ZBTB44: variants seen among roughly 807,000 people sequenced by gnomAD.
ZBTB44 encodes the protein zinc finger and BTB domain containing 44.
Under a neutral mutation model 54.0 loss-of-function variants are expected in ZBTB44, and 15 were observed. The ratio of observed to expected loss-of-function variants is 0.28; its 90% CI spans 0.19 to 0.43. The LOEUF is 0.43. Among genes scored for constraint, ZBTB44 ranks in the 20% least tolerant of loss-of-function variants. ZBTB44 has a pLI of 1.00. For missense variants in ZBTB44, 487 were observed against 707.1 expected (o/e 0.69, Z 3.53); for synonymous variants, 230 against 250.1 (o/e 0.92, Z 0.76).
chr11:130,267,766 G>C (rs566636922), intron 1 of ZBTB44, among the ~76,000 whole-genome samples: 2 of 152,176 alleles, frequency 1.3e-5, no homozygotes, highest in African/African-American at 4.8e-5. Context: ...ACATCCTGTA[G>C]AGAAATCCTC....
intron 1 of ZBTB44, among the ~76,000 whole-genome samples, chr11:130,290,080 A>G (rs1941212617): frequency 6.6e-6 from 1 of 152,206 alleles, no homozygotes; most frequent in Admixed American, 6.5e-5. Context: ...ATTATCCCAG[A>G]TTACCCAGGT....
chr11:130,240,033 T>C (rs940470374), intron 2 of ZBTB44, 137 bp from the exon 3 acceptor site: 8 of 566,152 alleles, frequency 1.4e-5, no homozygotes, highest in South Asian at 6.5e-5. Flanking sequence ...TCCAAAGTAG[T>C]GTTCTACATT....
intron 1 of ZBTB44, among the ~76,000 whole-genome samples, chr11:130,304,031 C>T (rs1942136711): frequency 6.6e-6 from 1 of 152,150 alleles, no homozygotes; most frequent in Admixed American, 6.6e-5. Flanking sequence ...ATTTAACACT[C>T]AATGTGGCCT....
rs768238402 is a variant in ZBTB44 at position 130,261,088 on chromosome 11, G to C, written c.786C>G (p.Thr262=). The change falls in exon 2 of 8, where the codon ACC becomes ACG. Residue 262 remains threonine, a synonymous_variant. Coordinates refer to ENST00000357899, the MANE Select transcript of ZBTB44 (RefSeq NM_001301098.2). The surrounding 1 kb of genome is among the most constrained non-coding windows in gnomAD (Gnocchi z 4.8). ...TCACATAATCAGCCATTCTTCTACC[G>C]GTCTCAGATGGGCCAGGTAATTCTA... ...RTLELPGPSE[T]GRRMADYVTC... is the part of the protein sequence containing the mutation. The C allele has an allele frequency of 2.2e-5, 35 of 1,613,842 alleles. No individual in the cohort carries two copies. Among genetic ancestry groups the C allele is most frequent in the Admixed American group, 5.0e-5 (3 of 60,004 alleles).
intron 2 of ZBTB44, among the ~76,000 whole-genome samples, chr11:130,254,668 G>A (rs924005864): frequency 1.3e-4 from 20 of 152,062 alleles, no homozygotes; most frequent in East Asian, 3.8e-4. Flanking sequence ...TCAGTGTGGC[G>A]ATTCCTCAGG....
chr11:130,282,176 A>T (rs188255892), intron 1 of ZBTB44, among the ~76,000 whole-genome samples: 1 of 152,348 alleles, frequency 6.6e-6, no homozygotes, highest in Non-Finnish European at 1.5e-5. Context: ...ACTATTTTTA[A>T]GCATACAGTT....
intron 4 of ZBTB44, 21 bp downstream of exon 4, chr11:130,238,423 C>G: frequency 6.3e-7 from 1 of 1,594,146 alleles, no homozygotes; most frequent in Non-Finnish European, 8.5e-7. Flanking sequence ...ACTTACGCAC[C>G]AACAGGGAAG....
At chr11:130,243,688 T>A (rs986937887) in intron 2 of ZBTB44, among the ~76,000 whole-genome samples, 1 of 152,226 alleles carries the variant, frequency 6.6e-6, no homozygotes, top group Non-Finnish European at 1.5e-5. Flanking sequence ...AAGTGGTATA[T>A]GTGTAGGAAT....
At chr11:130,245,751 T>A (rs113604444) in intron 2 of ZBTB44, among the ~76,000 whole-genome samples, 1 of 140,738 alleles carries the variant, frequency 7.1e-6, no homozygotes, top group Admixed American at 6.9e-5. Flanking sequence ...GACTGGCATC[T>A]GCTTCTCACT....
chr11:130,273,746 T>C (rs574284249), intron 1 of ZBTB44, among the ~76,000 whole-genome samples: 58 of 152,268 alleles, frequency 3.8e-4, no homozygotes, highest in African/African-American at 1.3e-3. Flanking sequence ...CTTACGATTT[T>C]CTATAAACAG....
At chr11:130,234,373 C>G (rs1463680246) in intron 5 of ZBTB44, 100 bp from the exon 6 acceptor site, 2 of 1,176,536 alleles carry the variant, frequency 1.7e-6, no homozygotes, top group East Asian at 5.5e-5. Context: ...AATTGGGACT[C>G]TTCATTTCAC....
rs949677251 is a variant in ZBTB44, at chr11:130,233,046, AATT to A, written c.*48+259_*48+261del. 10 of 378,612 alleles carry A rather than the reference AATT, an allele frequency of 2.6e-5. No individual in the cohort carries two copies. The Admixed American group carries it at 3.5e-4, about 13-fold the overall frequency. The allele number at this position is 378,612 out of a possible 1,614,324, so 23.5% of individuals were successfully genotyped here. A position where few individuals can be genotyped will look rare whatever the true frequency, so the allele number is the denominator to read the frequency against. ...AAAAAAGAATGTAGCCTCAATAGAG[AATT>A]ATTTATTATGTCCAAAAGAGCACAA... On this transcript the variant is annotated intron_variant, in intron 7 of 7. Transcript: ENST00000357899.
At chr11:130,257,238 TAAAAAAA>T (rs572669481) in intron 2 of ZBTB44, among the ~76,000 whole-genome samples, 8 of 109,342 alleles carry the variant, frequency 7.3e-5, no homozygotes, top group Non-Finnish European at 1.2e-4. Context: ...TCCCAGATCT[TAAAAAAA>T]AAAAAAAAAA....
At chr11:130,305,888 A>G (rs1942238732) in intron 1 of ZBTB44, among the ~76,000 whole-genome samples, 1 of 152,196 alleles carries the variant, frequency 6.6e-6, no homozygotes. Flanking sequence ...AGGAATACAA[A>G]CAAACCAGCA....
chr11:130,300,402 C>A (rs1201424037), intron 1 of ZBTB44, among the ~76,000 whole-genome samples: 1 of 151,332 alleles, frequency 6.6e-6, no homozygotes, highest in African/African-American at 2.4e-5. Context: ...CAAAGAAAAC[C>A]CAAAATAAAT....
At chr11:130,262,607 T>C (rs1591980801) in intron 1 of ZBTB44, among the ~76,000 whole-genome samples, 1 of 152,292 alleles carries the variant, frequency 6.6e-6, no homozygotes. Context: ...TGTTTCTAAA[T>C]GTGAGCATGC....
chr11:130,261,254 A>C lies in ZBTB44; in HGVS notation c.620T>G (p.Val207Gly). Residue 207 changes from valine (V) to glycine (G), a missense_variant, in exon 2 of 8, where the codon GTA (valine) becomes GGA (glycine). By Grantham distance (109) the Val-to-Gly change is moderately radical. Around this residue, in one of 3 missense-constraint regions of ZBTB44, gnomAD observed 277 missense variants for 306.5 expected, o/e 0.90. Transcript: ENST00000357899. The surrounding 1 kb of genome is among the most constrained non-coding windows in gnomAD (Gnocchi z 4.8). ...TGAGTAGGAAGCTGAAGAATTCAAT[A>C]CCTGGGGTGAGCTTGTTTGTGTGCC... is the stretch of plus-strand genomic sequence containing the variant. Reference protein sequence around the residue: ...KCGTQTSSPQVLNSSASYSEN... With the variant: ...KCGTQTSSPQGLNSSASYSEN... 6.2e-7 allele frequency: 1 copy of C among 1,613,900 alleles called. No individual in the cohort carries two copies. Among genetic ancestry groups the C allele is most frequent in the Non-Finnish European group, 8.5e-7 (1 of 1,179,880 alleles).
intron 2 of ZBTB44, among the ~76,000 whole-genome samples, chr11:130,255,215 AAGTAT>A (rs1938339464): frequency 6.6e-6 from 1 of 152,162 alleles, no homozygotes. Flanking sequence ...CTAGAACTTA[AAGTAT>A]AGTAAATAAT....
intron 1 of ZBTB44, among the ~76,000 whole-genome samples, chr11:130,269,409 T>G (rs1939508515): frequency 6.6e-6 from 1 of 152,246 alleles, no homozygotes; most frequent in Non-Finnish European, 1.5e-5. Flanking sequence ...TAACTACAAT[T>G]ACTAATTTAG....
Sources: allele counts gnomAD v4.1 joint callset (sites outside exome capture counted in the v4.1 genomes callset), GRCh38; gene constraint gnomAD v4.1.1; regional missense constraint gnomAD v4.1.1; non-coding constraint Gnocchi (gnomAD v3.1); transcripts MANE v1.5; gene names NCBI Gene and HGNC (gene_info 2026-07-23, HGNC 2026-07-21).